Variants in LAMA1 observed in about 807,000 individuals in gnomAD.
LAMA1 encodes laminin subunit alpha 1, also known as laminin subunit alpha-1.
Under a neutral mutation model 348.7 loss-of-function variants are expected in LAMA1, and 219 were observed. The observed-to-expected ratio is 0.63, with a 90% CI of 0.56 to 0.70. The LOEUF is 0.70. LAMA1 is among the 30% of genes least tolerant of loss of function. LAMA1 has a pLI of 0.00. For missense variants in LAMA1, 3,744 were observed against 3,888.0 expected (o/e 0.96, Z 0.99); for synonymous variants, 1,487 against 1,491.0 (o/e 1.00, Z 0.06).
At chr18:7,054,163 C>T (rs538678379) in intron 3 of LAMA1, among the ~76,000 whole-genome samples, 1 of 152,298 alleles carries the variant, frequency 6.6e-6, no homozygotes, top group Admixed American at 6.5e-5. Flanking sequence ...TTTCATGTAA[C>T]TGTCCTTCAA....
chr18:6,968,349 GC>G (rs1401118099), intron 48 of LAMA1, among the ~76,000 whole-genome samples: 1 of 152,204 alleles, frequency 6.6e-6, no homozygotes, highest in Non-Finnish European at 1.5e-5. Flanking sequence ...ATGCCCTGCT[GC>G]CGTCATGCGA....
chr18:7,100,041 A>G (rs1231842022), intron 1 of LAMA1, among the ~76,000 whole-genome samples: 2 of 131,220 alleles, frequency 1.5e-5, no homozygotes, highest in African/African-American at 5.9e-5. Flanking sequence ...CCTGGGCAAC[A>G]GAGCCAGACT....
At chr18:7,112,778 A>G (rs1395838129) in intron 1 of LAMA1, among the ~76,000 whole-genome samples, 1 of 151,880 alleles carries the variant, frequency 6.6e-6, no homozygotes, top group Non-Finnish European at 1.5e-5. Context: ...CTGGGATTAC[A>G]GGCCCCACCA....
chr18:7,003,659 A>C (rs2057818850), intron 29 of LAMA1, among the ~76,000 whole-genome samples: 1 of 152,152 alleles, frequency 6.6e-6, no homozygotes, highest in Non-Finnish European at 1.5e-5. Context: ...TTACTCAGCC[A>C]CTGGGCACAA....
At chr18:7,055,818 G>A (rs552339108) in intron 3 of LAMA1, among the ~76,000 whole-genome samples, 274 of 151,594 alleles carry the variant, frequency 1.8e-3, no homozygotes, top group African/African-American at 6.0e-3. Flanking sequence ...GTGGTGGCTC[G>A]CACCTGTAAT....
chr18:7,101,954 T>TA (rs1315750667), intron 1 of LAMA1, among the ~76,000 whole-genome samples: 4 of 151,914 alleles, frequency 2.6e-5, no homozygotes, highest in African/African-American at 9.7e-5. Context: ...GCTGAGATTA[T>TA]AGGTGTGACC....
At chr18:7,019,630 C>A (rs1457362890) in intron 19 of LAMA1, among the ~76,000 whole-genome samples, 1 of 149,334 alleles carries the variant, frequency 6.7e-6, no homozygotes, top group African/African-American at 2.5e-5. Context: ...GGTCACACTG[C>A]TATTACTAGT....
intron 61 of LAMA1, among the ~76,000 whole-genome samples, chr18:6,943,711 C>T (rs192887334): frequency 1.1e-4 from 16 of 151,768 alleles, no homozygotes; most frequent in East Asian, 4.0e-4. Context: ...ATTAGCTAGG[C>T]GCATGCCTGT....
At chr18:6,947,712 G>GA (rs1159883657) in intron 60 of LAMA1, among the ~76,000 whole-genome samples, 1 of 152,196 alleles carries the variant, frequency 6.6e-6, no homozygotes, top group African/African-American at 2.4e-5. Flanking sequence ...ATCATTTACT[G>GA]AGTGTATCAG....
At chr18:6,995,280 C>G in intron 34 of LAMA1, 77 bp downstream of exon 34, 1 of 934,086 alleles carries the variant, frequency 1.1e-6, no homozygotes, top group Non-Finnish European at 1.8e-6. Flanking sequence ...ACCTTCCAGA[C>G]AGCCCCAAGG....
intron 60 of LAMA1, among the ~76,000 whole-genome samples, chr18:6,948,172 C>CT (rs2057530610): frequency 6.6e-6 from 1 of 152,218 alleles, no homozygotes; most frequent in South Asian, 2.1e-4. Flanking sequence ...TGTCTGGCCT[C>CT]TGTCAGGAGT....
At chr18:6,955,765 C>T (rs2057573704) in intron 56 of LAMA1, 2 of 469,996 alleles carry the variant, frequency 4.3e-6, no homozygotes, top group South Asian at 1.9e-5. Context: ...GGGGCAAAGG[C>T]CTTGCTGTCC....
At chr18:6,980,441 G>A in intron 42 of LAMA1, 80 bp downstream of exon 42, 1 of 989,592 alleles carries the variant, frequency 1.0e-6, no homozygotes, top group Non-Finnish European at 1.6e-6. Flanking sequence ...TCAGTCTTGA[G>A]GCAGGACTTC....
intron 55 of LAMA1, chr18:6,957,342 CATGA>C (rs10635570): frequency 0.066 from 10,157 of 153,916 alleles, 354 homozygotes; most frequent in Admixed American, 0.088. Flanking sequence ...GAGGATGCCT[CATGA>C]ATGAATGAAT....
At position 7,010,349 on chromosome 18, in the gene LAMA1, C is replaced by T. The variant is rs115127419; in HGVS notation, c.3724G>A (p.Ala1242Thr). Residue 1242 changes from alanine to threonine, a missense_variant, in exon 26 of 63, where the codon GCC (alanine) becomes ACC (threonine). Coordinates refer to ENST00000389658, the MANE Select transcript of LAMA1 (RefSeq NM_005559.4). ...AYGGKLKYSV[A>T]FYSLDGVGTS... Reference sequence around the variant, plus strand: ...CCGACGCCATCCAAAGAATAGAAGGCCACGCTGTACTTCAGTTTGCCACCA... The same window carrying T: ...CCGACGCCATCCAAAGAATAGAAGGTCACGCTGTACTTCAGTTTGCCACCA... 681 of 1,614,122 alleles carry T rather than the reference C, an allele frequency of 4.2e-4. 1 individual carries two copies. The African/African-American group carries it at 5.7e-3, about 14-fold the overall frequency.
intron 48 of LAMA1, among the ~76,000 whole-genome samples, chr18:6,969,217 T>C (rs914946087): frequency 6.6e-6 from 1 of 151,966 alleles, no homozygotes; most frequent in Admixed American, 6.6e-5. Flanking sequence ...TCCTCCTACC[T>C]CAGCCTCCGG....
At chr18:7,057,639 T>TGATTTTTTTC (rs1568049795) in intron 3 of LAMA1, among the ~76,000 whole-genome samples, 1 of 150,268 alleles carries the variant, frequency 6.7e-6, no homozygotes. Flanking sequence ...CATGCCTGGC[T>TGATTTTTTTC]GATTTTTTTC....
At chr18:7,085,618 CCA>C (rs1207667144) in intron 1 of LAMA1, among the ~76,000 whole-genome samples, 7 of 151,926 alleles carry the variant, frequency 4.6e-5, no homozygotes, top group African/African-American at 7.3e-5. Context: ...TGGGGTTTCA[CCA>C]CGTTAGCCAG....
intron 57 of LAMA1, 179 bp downstream of exon 57, chr18:6,955,174 C>T (rs1027415157): frequency 1.6e-6 from 1 of 642,586 alleles, no homozygotes; most frequent in Non-Finnish European, 2.8e-6. Context: ...CAGTGAACCA[C>T]CATGAAAGCG....
Sources: gnomAD v4.1 joint callset for allele counts (sites outside exome capture counted in the v4.1 genomes callset) on GRCh38, gnomAD v4.1.1 for gene constraint, MANE v1.5 for transcripts, NCBI Gene and HGNC (gene_info 2026-07-23, HGNC 2026-07-21) for gene names.